Variants in SNX27 observed in about 807,000 individuals in gnomAD.
SNX27 encodes the protein sorting nexin-27.
Under a neutral mutation model 71.6 loss-of-function variants are expected in SNX27, and 22 were observed. The ratio of observed to expected loss-of-function variants is 0.31; its 90% confidence interval spans 0.22 to 0.44. The LOEUF (loss-of-function observed/expected upper bound fraction) is 0.44. SNX27 is among the 20% of genes least tolerant of loss of function. The probability of loss-of-function intolerance (pLI) is 1.00; values close to 1 mark genes in which losing one functional copy is unlikely to be tolerated. For missense variants in SNX27, 531 were observed against 698.6 expected (o/e 0.76, Z 2.70); for synonymous variants, 269 against 277.2 (o/e 0.97, Z 0.29).
chr1:151,634,089 T>C (rs1188816849), intron 1 of SNX27, among the ~76,000 whole-genome samples: 3 of 152,220 alleles, frequency 2.0e-5, no homozygotes, highest in African/African-American at 7.2e-5. Flanking sequence ...ACTTATCAGC[T>C]GTATATAAGA....
chr1:151,655,672 C>T (rs772754233), intron 2 of SNX27, among the ~76,000 whole-genome samples: 3 of 152,164 alleles, frequency 2.0e-5, no homozygotes, highest in Non-Finnish European at 4.4e-5. Flanking sequence ...TCTTAGCTGC[C>T]TGTTGTCCAG....
chr1:151,662,378 C>A, intron 5 of SNX27, 108 bp downstream of exon 5: 1 of 604,040 alleles, frequency 1.7e-6, no homozygotes, highest in Non-Finnish European at 2.9e-6. Context: ...GCACATAATC[C>A]GTTTATTAAA....
At chr1:151,693,321 A>T in intron 10 of SNX27, 103 bp from the exon 11 acceptor site, 1 of 1,214,596 alleles carries the variant, frequency 8.2e-7, no homozygotes, top group Non-Finnish European at 1.2e-6. Flanking sequence ...TTTTCTCTAG[A>T]CTGAGTTTGG....
chr1:151,660,806 A>G lies in SNX27; in HGVS notation c.745A>G (p.Ile249Val). The change falls in exon 4 of 12, where the codon ATA becomes GTA. Residue 249 changes from isoleucine (I) to valine (V), a missense_variant. By Grantham distance (29) the Ile-to-Val change is conservative. This residue lies in a region of SNX27 where 184 missense variants were observed against 289.6 expected (regional missense o/e 0.64). Transcript: ENST00000458013. ...ATCTTTATTTTCTACAGTGTGTTCAATACGAGTAATTGGTGAGAGTGACAT... is the reference window on the plus strand; with the variant it reads ...ATCTTTATTTTCTACAGTGTGTTCAGTACGAGTAATTGGTGAGAGTGACAT... ...LEEYLEKVCS[I>V]RVIGESDIMQ... 1.2e-6 allele frequency: 2 copies of G among 1,611,982 alleles called. No individual in the cohort carries two copies. Among genetic ancestry groups the G allele is most frequent in the Non-Finnish European group, 1.7e-6 (2 of 1,178,182 alleles).
chr1:151,621,684 C>T (rs1229058206), intron 1 of SNX27, among the ~76,000 whole-genome samples: 1 of 152,210 alleles, frequency 6.6e-6, no homozygotes, highest in African/African-American at 2.4e-5. Context: ...GTTGTCTCTT[C>T]CACCCGCAAA....
chr1:151,612,255 A>AGGTGGC lies in SNX27; in HGVS notation c.57_62dup (p.Gly24_Gly25dup), dbSNP rs975986761. The AGGTGGC allele has an allele frequency of 2.1e-6, 3 of 1,443,670 alleles. No homozygotes were observed. Among genetic ancestry groups the AGGTGGC allele is most frequent in the African/African-American group, 1.5e-5 (1 of 67,424 alleles). The allele number at this position is 1,443,670 out of a possible 1,614,324, so 89.4% of individuals were successfully genotyped here. On this transcript the variant is annotated inframe_insertion, in exon 1 of 12. Transcript: ENST00000458013. This position sits in a 1 kb window ranked among gnomAD's most constrained non-coding sequence, Gnocchi z 5.2. The stretch of plus-strand genomic sequence containing the variant: ...ATCCCTCAGCCCCTCACAGGAACGG[A>AGGTGGC]GGTGGCGGCGGCGGCGGGGGGTCTG...
At chr1:151,682,496 T>C (rs1671010943) in intron 7 of SNX27, among the ~76,000 whole-genome samples, 1 of 152,074 alleles carries the variant, frequency 6.6e-6, no homozygotes, top group Admixed American at 6.5e-5. Flanking sequence ...TAATTTTTTG[T>C]ATTTTTAGTA....
intron 7 of SNX27, among the ~76,000 whole-genome samples, chr1:151,681,534 G>T (rs556067242): frequency 1.3e-5 from 2 of 151,992 alleles, no homozygotes; most frequent in African/African-American, 4.8e-5. Flanking sequence ...GAGCCACCGC[G>T]CCTGGCCCTC....
intron 1 of SNX27, among the ~76,000 whole-genome samples, chr1:151,633,748 G>A (rs1370819505): frequency 6.6e-6 from 1 of 152,134 alleles, no homozygotes; most frequent in Non-Finnish European, 1.5e-5. Flanking sequence ...CTTTCCTCCC[G>A]CCGAGTGTAT....
intron 7 of SNX27, among the ~76,000 whole-genome samples, chr1:151,673,979 T>G (rs903934765): frequency 6.6e-5 from 10 of 152,192 alleles, no homozygotes; most frequent in African/African-American, 2.4e-4. Flanking sequence ...TTCTTGTTTT[T>G]TTTTATTTAT....
intron 1 of SNX27, among the ~76,000 whole-genome samples, chr1:151,627,529 A>G (rs1328201661): frequency 6.6e-6 from 1 of 152,150 alleles, no homozygotes; most frequent in Non-Finnish European, 1.5e-5. Flanking sequence ...GATTCTTCCA[A>G]CCTACTAACT....
intron 8 of SNX27, 41 bp from the exon 9 acceptor site, chr1:151,692,394 T>C: frequency 6.7e-7 from 1 of 1,492,686 alleles, no homozygotes; most frequent in Non-Finnish European, 8.9e-7. Flanking sequence ...CCCTGTTTCC[T>C]GTTTCTCCTT....
intron 8 of SNX27, 99 bp from the exon 9 acceptor site, chr1:151,692,336 C>A (rs1671488876): frequency 7.3e-7 from 1 of 1,371,758 alleles, no homozygotes; most frequent in African/African-American, 1.5e-5. Context: ...TGTTCTTTTT[C>A]TTGCACCACA....
At chr1:151,615,891 A>C in intron 1 of SNX27, 1 of 887,084 alleles carries the variant, frequency 1.1e-6, no homozygotes, top group Admixed American at 6.2e-5. Flanking sequence ...GTTTCTTTTA[A>C]AGTCGGCTTA....
intron 2 of SNX27, among the ~76,000 whole-genome samples, chr1:151,651,686 C>T (rs916572799): frequency 2.6e-5 from 4 of 151,938 alleles, no homozygotes; most frequent in East Asian, 3.9e-4. Context: ...GATGGGATGG[C>T]GGCTGGGCGG....
intron 1 of SNX27, among the ~76,000 whole-genome samples, chr1:151,626,680 C>T (rs111481176): frequency 0.023 from 3,512 of 150,664 alleles, 128 homozygotes; most frequent in African/African-American, 0.08. Flanking sequence ...CCAGCCTGGG[C>T]GACAGAGCAA....
chr1:151,690,071 A>G (rs1245066307), intron 8 of SNX27, among the ~76,000 whole-genome samples: 2 of 151,932 alleles, frequency 1.3e-5, no homozygotes, highest in Non-Finnish European at 2.9e-5. Flanking sequence ...CTGGTCTCGA[A>G]CTCCTGACCT....
At position 151,665,166 on chromosome 1, in the gene SNX27, G is replaced by T. The variant is rs567269028; in HGVS notation, c.907-767G>T. Among the ~76,000 whole-genome samples the T allele has an allele frequency of 6.6e-5, 10 of 152,270 alleles. No individual in the cohort carries two copies. The South Asian group carries it at 1.2e-3, about 19-fold the overall frequency. On this transcript the variant is annotated intron_variant, in intron 5 of 11. Coordinates refer to ENST00000458013, the MANE Select transcript of SNX27 (RefSeq NM_001330723.2). ...CTTATATTGAGGTTGATCTTGAAAA[G>T]AAATTTTGTTACTACCAGTTTATGT... is the stretch of plus-strand genomic sequence containing the variant.
chr1:151,692,629 T>C lies in SNX27; in HGVS notation c.1389+45T>C, dbSNP rs751247761. 6 of 1,587,748 alleles carry C rather than the reference T, an allele frequency of 3.8e-6. No homozygotes were observed. In the African/African-American group the frequency reaches 8.1e-5, roughly 22 times the overall value. On this transcript the variant is annotated intron_variant, in intron 9 of 11. Transcript: ENST00000458013. ...CTCTGGCTGCGAGGACTGGAGATACTTTGATGCTCACTTGCTTGTGACGTT... is the reference window on the plus strand; with the variant it reads ...CTCTGGCTGCGAGGACTGGAGATACCTTGATGCTCACTTGCTTGTGACGTT...
Sources: allele counts gnomAD v4.1 joint callset (sites outside exome capture counted in the v4.1 genomes callset), GRCh38; gene constraint gnomAD v4.1.1; regional missense constraint gnomAD v4.1.1; non-coding constraint Gnocchi (gnomAD v3.1); transcripts MANE v1.5; gene names NCBI Gene and HGNC (gene_info 2026-07-23, HGNC 2026-07-21).